The following GHR variants were observed in gnomAD, a reference collection of about 807,000 sequenced individuals.
GHR encodes the protein GH receptor.
In GHR, 35 loss-of-function variants were observed where a neutral mutation model predicts 67.1. The ratio of observed to expected loss-of-function variants is 0.52; its 90% CI spans 0.40 to 0.69. The LOEUF (loss-of-function observed/expected upper bound fraction) is 0.69, where lower values mean the gene tolerates loss of function less well. Ranked by LOEUF, GHR falls within the 30% of genes least tolerant of loss-of-function variation. The pLI, the probability that GHR is intolerant of heterozygous loss-of-function variation, is 0.00. For synonymous variants in GHR, 272 were observed against 269.1 expected, an observed-to-expected ratio of 1.01 and a Z score of -0.10; for missense variants, 792 against 764.6, an observed-to-expected ratio of 1.04 and a Z score of -0.42.
intron 3 of GHR, among the ~76,000 whole-genome samples, chr5:42,642,570 G>T (rs1754534006): frequency 6.6e-6 from 1 of 152,082 alleles, no homozygotes; most frequent in Admixed American, 6.6e-5. Context: ...AGGTAGGTAT[G>T]CCCATCAGAA....
intron 1 of GHR, among the ~76,000 whole-genome samples, chr5:42,495,539 C>T (rs753381039): frequency 1.3e-5 from 2 of 152,048 alleles, no homozygotes; most frequent in Non-Finnish European, 2.9e-5. Flanking sequence ...CCCCTAGTCA[C>T]CATTCTTTTT....
intron 1 of GHR, among the ~76,000 whole-genome samples, chr5:42,473,110 C>T (rs183540847): frequency 5.7e-4 from 86 of 152,160 alleles, no homozygotes; most frequent in Non-Finnish European, 9.6e-4. Context: ...TATTATAAGT[C>T]TGTGTTGGGT....
chr5:42,677,868 AC>A (rs1304036591), intron 3 of GHR, among the ~76,000 whole-genome samples: 1 of 152,188 alleles, frequency 6.6e-6, no homozygotes, highest in Non-Finnish European at 1.5e-5. Flanking sequence ...ACTTATAATT[AC>A]ATGTTTCAAC....
intron 3 of GHR, among the ~76,000 whole-genome samples, chr5:42,637,464 A>T (rs1754256115): frequency 6.6e-6 from 1 of 151,812 alleles, no homozygotes; most frequent in Admixed American, 6.6e-5. Context: ...AATCTTCACC[A>T]CTCTAGTAGT....
chr5:42,571,111 C>G (rs1268563373), intron 2 of GHR, among the ~76,000 whole-genome samples: 2 of 152,214 alleles, frequency 1.3e-5, no homozygotes, highest in Non-Finnish European at 2.9e-5. Flanking sequence ...AGCAATGACT[C>G]ACGTTTAATG....
At position 42,711,236 on chromosome 5, in the gene GHR, A is replaced by G; in HGVS notation, c.648A>G (p.Pro216=). 6.2e-7 allele frequency: 1 copy of G among 1,613,458 alleles called. No individual in the cohort carries two copies. Reference sequence around the variant, plus strand: ...ACCCTATATTGACAACATCAGTTCCAGTGTACTCATTGAAAGTGGATAAGG... The same window carrying G: ...ACCCTATATTGACAACATCAGTTCCGGTGTACTCATTGAAAGTGGATAAGG... ...MMDPILTTSV[P]VYSLKVDKEY... The change falls in exon 7 of 10, where the codon CCA becomes CCG. Residue 216 remains proline, a synonymous_variant. Transcript: ENST00000230882.
intron 1 of GHR, among the ~76,000 whole-genome samples, chr5:42,477,812 A>T (rs1402114341): frequency 6.6e-6 from 1 of 151,936 alleles, no homozygotes; most frequent in Non-Finnish European, 1.5e-5. Context: ...CATTGCAAAA[A>T]TTTTCTCCCA....
intron 1 of GHR, among the ~76,000 whole-genome samples, chr5:42,555,537 C>G (rs1396615291): frequency 6.6e-6 from 1 of 152,140 alleles, no homozygotes; most frequent in Non-Finnish European, 1.5e-5. Context: ...AAGCACAGTT[C>G]GAAACCCTAC....
intron 3 of GHR, among the ~76,000 whole-genome samples, chr5:42,667,224 T>C (rs1189151331): frequency 6.6e-6 from 1 of 152,166 alleles, no homozygotes. Context: ...CCCAGGAAGA[T>C]CACCCACAAG....
intron 3 of GHR, among the ~76,000 whole-genome samples, chr5:42,675,903 G>A (rs1007700642): frequency 1.3e-5 from 2 of 152,196 alleles, no homozygotes; most frequent in Admixed American, 6.5e-5. Flanking sequence ...TGTAGACTGT[G>A]CCTTTATTTG....
intron 2 of GHR, among the ~76,000 whole-genome samples, chr5:42,591,639 TC>T (rs544249779): frequency 1.1e-3 from 166 of 152,092 alleles, no homozygotes; most frequent in African/African-American, 4.0e-3. Context: ...AGGGTCTACC[TC>T]CCCTGTCTCC....
At chr5:42,642,726 A>G (rs1367614081) in intron 3 of GHR, among the ~76,000 whole-genome samples, 1 of 152,140 alleles carries the variant, frequency 6.6e-6, no homozygotes, top group Non-Finnish European at 1.5e-5. Flanking sequence ...TGGTGGCTTA[A>G]TAAGAGAAAT....
chr5:42,536,287 G>A (rs564206766), intron 1 of GHR, among the ~76,000 whole-genome samples: 1 of 152,246 alleles, frequency 6.6e-6, no homozygotes, highest in African/African-American at 2.4e-5. Flanking sequence ...TCAGTATTAT[G>A]TTGGTTGTGG....
At chr5:42,668,702 T>C (rs1281621103) in intron 3 of GHR, among the ~76,000 whole-genome samples, 1 of 152,202 alleles carries the variant, frequency 6.6e-6, no homozygotes, top group Non-Finnish European at 1.5e-5. Flanking sequence ...TTGGAGGCCA[T>C]GTGCTTGTAG....
In GHR at chr5:42,692,185, G is replaced by A. The variant is rs542909947; in HGVS notation, c.267-2732G>A. ...ATTAAATTTAAAGCCAAAAACGTGC[G>A]CTTTCTGTCATGAAAACAGCTGCCC... On this transcript the variant is annotated intron_variant, in intron 4 of 9. Transcript: ENST00000230882. Among the ~76,000 whole-genome samples, 19 of 151,884 alleles carry A rather than the reference G, an allele frequency of 1.3e-4. No individual in the cohort carries two copies. The East Asian group carries it at 3.5e-3, about 28-fold the overall frequency.
intron 1 of GHR, among the ~76,000 whole-genome samples, chr5:42,479,843 G>C (rs1745535022): frequency 6.6e-6 from 1 of 152,050 alleles, no homozygotes; most frequent in Admixed American, 6.6e-5. Flanking sequence ...CCAGCTCCTG[G>C]ATTCATTAAT....
At chr5:42,502,276 T>G (rs1746571008) in intron 1 of GHR, among the ~76,000 whole-genome samples, 1 of 152,204 alleles carries the variant, frequency 6.6e-6, no homozygotes, top group Non-Finnish European at 1.5e-5. Flanking sequence ...GAGTAAAATG[T>G]TTAAAATTAT....
chr5:42,523,831 TC>T (rs1011874466), intron 1 of GHR, among the ~76,000 whole-genome samples: 1 of 152,158 alleles, frequency 6.6e-6, no homozygotes, highest in African/African-American at 2.4e-5. Context: ...AGCCAGTCTT[TC>T]CCATGCTATT....
intron 1 of GHR, among the ~76,000 whole-genome samples, chr5:42,521,895 G>A (rs890521964): frequency 2.6e-5 from 4 of 152,126 alleles, no homozygotes; most frequent in Admixed American, 2.0e-4. Flanking sequence ...TCTCTTTGCT[G>A]TTTTTAAATA....
Sources: allele counts gnomAD v4.1 joint callset (sites outside exome capture counted in the v4.1 genomes callset), GRCh38; gene constraint gnomAD v4.1.1; transcripts MANE v1.5; gene names NCBI Gene and HGNC (gene_info 2026-07-23, HGNC 2026-07-21).